The following LPA variants were observed in gnomAD, a reference collection of about 807,000 sequenced individuals.
LPA encodes apolipoprotein(a).
A neutral mutation model predicts 197.9 loss-of-function variants in LPA; 199 were observed. The observed-to-expected ratio is 1.01, with a 90% CI of 0.90 to 1.13. The LOEUF (loss-of-function observed/expected upper bound fraction) is 1.13, where lower values mean the gene tolerates loss of function less well. Among genes scored for constraint, LPA ranks in the 50% most tolerant of loss-of-function variants. The pLI, the probability that LPA is intolerant of heterozygous loss-of-function variation, is 0.00. For missense variants in LPA, 1,853 were observed against 1,785.8 expected (o/e 1.04, Z -0.68); for synonymous variants, 715 against 639.5 (o/e 1.12, Z -1.78).
intron 29 of LPA, among the ~76,000 whole-genome samples, chr6:160,556,677 T>C (rs1204363819): frequency 6.6e-6 from 1 of 152,086 alleles, no homozygotes; most frequent in Non-Finnish European, 1.5e-5. Flanking sequence ...AAAGACACAT[T>C]GCTTCTTAGA....
intron 28 of LPA, among the ~76,000 whole-genome samples, chr6:160,567,577 T>G (rs1203824400): frequency 6.6e-6 from 1 of 151,910 alleles, no homozygotes; most frequent in Non-Finnish European, 1.5e-5. Context: ...ACATCACCAT[T>G]AAAAGAACTA....
At chr6:160,660,929 G>A (rs1780214319) in intron 1 of LPA, among the ~76,000 whole-genome samples, 1 of 152,144 alleles carries the variant, frequency 6.6e-6, no homozygotes, top group Non-Finnish European at 1.5e-5. Flanking sequence ...GCAGAACCTG[G>A]GACCAATACT....
At chr6:160,569,100 A>G (rs1221328329) in intron 28 of LPA, among the ~76,000 whole-genome samples, 2 of 152,208 alleles carry the variant, frequency 1.3e-5, no homozygotes, top group Non-Finnish European at 2.9e-5. Flanking sequence ...TCAAGCTACC[A>G]ATGACTTTCT....
intron 28 of LPA, among the ~76,000 whole-genome samples, chr6:160,567,171 C>T (rs1466136914): frequency 1.3e-5 from 2 of 152,194 alleles, no homozygotes; most frequent in Non-Finnish European, 2.9e-5. Flanking sequence ...AACTCTCCAC[C>T]CCAAATCAAC....
chr6:160,539,951 C>T, intron 36 of LPA, 92 bp downstream of exon 36: 2 of 1,567,274 alleles, frequency 1.3e-6, no homozygotes, highest in Non-Finnish European at 1.8e-6. Flanking sequence ...CAGTTCCTCC[C>T]CACTGCCATG....
At position 160,596,783 on chromosome 6, in the gene LPA, T is replaced by C. The variant is rs139498090; in HGVS notation, c.3288-1248A>G. ...ACTTTGAGAATTGCAGTTTGAAATC[T>C]TGATTATTACATGCTTCTGTTTTTC... On this transcript the variant is annotated intron_variant, in intron 20 of 38. Transcript: ENST00000316300. 1.2e-4 allele frequency among the ~76,000 whole-genome samples: 19 copies of C among 152,340 alleles called. No individual in the cohort carries two copies. In the East Asian group the frequency reaches 2.1e-3, roughly 17 times the overall value.
chr6:160,586,812 C>T (rs1012045340), intron 24 of LPA, among the ~76,000 whole-genome samples, 182 bp from the exon 25 acceptor site: 1 of 152,208 alleles, frequency 6.6e-6, no homozygotes. Context: ...TCAAAGACAG[C>T]TTATGATTCT....
chr6:160,656,762 G>A (rs933679059), intron 1 of LPA, among the ~76,000 whole-genome samples: 3 of 152,102 alleles, frequency 2.0e-5, no homozygotes, highest in Non-Finnish European at 4.4e-5. Context: ...GTGGGTTCTG[G>A]AACTGTAACA....
intron 36 of LPA, among the ~76,000 whole-genome samples, chr6:160,539,129 C>T (rs929280180): frequency 4.6e-5 from 7 of 152,162 alleles, no homozygotes; most frequent in African/African-American, 1.4e-4. Context: ...GAGAGCAGCT[C>T]AGGCTCCTGC....
At chr6:160,565,709 G>T (rs764482545) in intron 28 of LPA, among the ~76,000 whole-genome samples, 1 of 152,256 alleles carries the variant, frequency 6.6e-6, no homozygotes. Context: ...GGCTTCAGAC[G>T]ATCTGTAATA....
At chr6:160,634,615 A>G (rs1043028507) in intron 7 of LPA, among the ~76,000 whole-genome samples, 5 of 148,962 alleles carry the variant, frequency 3.4e-5, no homozygotes, top group Admixed American at 6.6e-5. Flanking sequence ...AGGACTGAAG[A>G]GCCTTAGAGC....
chr6:160,608,814 G>A (rs982103801), intron 16 of LPA, among the ~76,000 whole-genome samples: 16 of 117,084 alleles, frequency 1.4e-4, no homozygotes, highest in African/African-American at 5.3e-4. Context: ...ACTATTTCTT[G>A]AGGGTTGTGT....
At chr6:160,544,333 G>A (rs1778029385) in intron 33 of LPA, among the ~76,000 whole-genome samples, 1 of 152,134 alleles carries the variant, frequency 6.6e-6, no homozygotes, top group South Asian at 2.1e-4. Context: ...CCACCAAGAT[G>A]CTTCTGCAAT....
At position 160,545,521 on chromosome 6, in the gene LPA, G is replaced by C. The variant is rs1778053672; in HGVS notation, c.5317C>G (p.Pro1773Ala). 7 of 1,611,832 alleles carry C rather than the reference G, an allele frequency of 4.3e-6. No homozygotes were observed. The highest frequency in any genetic ancestry group is 2.7e-5 in the African/African-American group (2 of 74,806). The part of the protein sequence containing the change: ...AGLEKNYCRN[P>A]DGDINGPWCY... ...CAGGGACCATTGATGTCACCATCAGGGTTACGGCAGTACTGAAAACAAGCA... is the reference window on the plus strand; with the variant it reads ...CAGGGACCATTGATGTCACCATCAGCGTTACGGCAGTACTGAAAACAAGCA... Residue 1773 changes from proline to alanine, a missense_variant, in exon 33 of 39, where the codon CCT (proline) becomes GCT (alanine). Coordinates refer to ENST00000316300, the MANE Select transcript of LPA (RefSeq NM_005577.4).
intron 25 of LPA, 102 bp downstream of exon 25, chr6:160,586,347 C>G: frequency 7.2e-7 from 1 of 1,379,928 alleles, no homozygotes. Flanking sequence ...ACTTCACCTT[C>G]GACTTCCTGT....
chr6:160,594,164 A>G (rs762963067), intron 21 of LPA, 47 bp from the exon 22 acceptor site: 2 of 1,607,488 alleles, frequency 1.2e-6, no homozygotes, highest in African/African-American at 1.3e-5. Context: ...TCTAGAACAC[A>G]GAAGCATCAG....
At chr6:160,571,923 G>GA (rs915247508) in intron 28 of LPA, among the ~76,000 whole-genome samples, 8 of 152,020 alleles carry the variant, frequency 5.3e-5, no homozygotes, top group Non-Finnish European at 8.8e-5. Flanking sequence ...ACTGGGGTAT[G>GA]AAAAAAAACT....
chr6:160,558,272 GTCTC>G (rs956717278), intron 28 of LPA, among the ~76,000 whole-genome samples: 1 of 151,918 alleles, frequency 6.6e-6, no homozygotes, highest in Admixed American at 6.6e-5. Flanking sequence ...CATTCTCTGT[GTCTC>G]TCTCTAGGAC....
intron 18 of LPA, among the ~76,000 whole-genome samples, chr6:160,602,881 GTTC>G (rs1241399281): frequency 6.6e-6 from 1 of 151,814 alleles, no homozygotes; most frequent in African/African-American, 2.4e-5. Flanking sequence ...TTGTATCACT[GTTC>G]TTCTAGCAAG....
Sources: allele counts gnomAD v4.1 joint callset (sites outside exome capture counted in the v4.1 genomes callset), GRCh38; gene constraint gnomAD v4.1.1; transcripts MANE v1.5; gene names NCBI Gene and HGNC (gene_info 2026-07-23, HGNC 2026-07-21).